FAM163B: variants seen among roughly 807,000 people sequenced by gnomAD.
FAM163B encodes family with sequence similarity 163 member B.
FAM163B carries 4 observed loss-of-function variants against 7.6 expected under a neutral mutation model. That is an observed-to-expected ratio of 0.52 (90% CI 0.26 to 1.20). FAM163B has a LOEUF of 1.20. Among genes scored for constraint, FAM163B ranks in the 50% most tolerant of loss-of-function variants. The probability of loss-of-function intolerance (pLI) is 0.14; values close to 1 mark genes in which losing one functional copy is unlikely to be tolerated. For missense variants in FAM163B, 250 were observed against 243.0 expected (o/e 1.03, Z -0.19); for synonymous variants, 120 against 111.6 (o/e 1.07, Z -0.47).
chr9:133,583,923 C>T (rs1831394126), intron 1 of FAM163B, among the ~76,000 whole-genome samples: 1 of 152,186 alleles, frequency 6.6e-6, no homozygotes, highest in Non-Finnish European at 1.5e-5. Flanking sequence ...GGCAGCTCCA[C>T]CAGCGCCCAG....
chr9:133,598,611 G>C (rs1029648791), intron 1 of FAM163B, among the ~76,000 whole-genome samples: 1 of 150,012 alleles, frequency 6.7e-6, no homozygotes, highest in African/African-American at 2.4e-5. Context: ...GAGAGGGAGG[G>C]AGGGAGGGAG....
intron 1 of FAM163B, among the ~76,000 whole-genome samples, chr9:133,595,216 G>A (rs187800129): frequency 3.4e-4 from 52 of 152,334 alleles, no homozygotes; most frequent in African/African-American, 1.2e-3. Context: ...CACGATCTCA[G>A]CTCATTGCAA....
chr9:133,585,039 T>C (rs1831412688), intron 1 of FAM163B, among the ~76,000 whole-genome samples: 1 of 152,242 alleles, frequency 6.6e-6, no homozygotes. Flanking sequence ...GGTTGTGAGA[T>C]GGGGCTCCCC....
rs1055522363 is a variant in FAM163B at position 133,600,818 on chromosome 9, G to A, written c.-24+8259C>T. Among the ~76,000 whole-genome samples, 6 of 152,096 alleles carry A rather than the reference G, an allele frequency of 3.9e-5. No individual in the cohort carries two copies. Among genetic ancestry groups the A allele is most frequent in the Admixed American group, 6.5e-5 (1 of 15,288 alleles). On this transcript the variant is annotated intron_variant, in intron 1 of 2. Transcript: ENST00000673969. This position sits in a 1 kb window ranked among gnomAD's most constrained non-coding sequence, Gnocchi z 4.9. ...ACTTTGGAAGATAACTAGTGTAATC[G>A]CAAGCTCAGTGAACAATCACAGACG...
intron 1 of FAM163B, among the ~76,000 whole-genome samples, chr9:133,584,458 A>G (rs1831403092): frequency 1.3e-5 from 2 of 152,224 alleles, no homozygotes; most frequent in Non-Finnish European, 2.9e-5. Context: ...TCCTGCCAGG[A>G]ATCCAGATGA....
intron 1 of FAM163B, among the ~76,000 whole-genome samples, chr9:133,592,578 C>T (rs1040566195): frequency 6.6e-6 from 1 of 152,162 alleles, no homozygotes; most frequent in Non-Finnish European, 1.5e-5. Context: ...TGAACATTGC[C>T]CTCTCCGGCC....
chr9:133,583,349 G>A (rs1831383659), intron 1 of FAM163B, among the ~76,000 whole-genome samples: 1 of 152,154 alleles, frequency 6.6e-6, no homozygotes, highest in Non-Finnish European at 1.5e-5. Context: ...CTGGGCTGAG[G>A]TGCTCCCTCA....
rs1831787851 is a variant in FAM163B, at chr9:133,606,220, A to C, written c.-24+2857T>G. Among the ~76,000 whole-genome samples the C allele has an allele frequency of 6.6e-6, 1 of 152,002 alleles. No individual in the cohort carries two copies. Among genetic ancestry groups the C allele is most frequent in the Admixed American group, 6.6e-5 (1 of 15,266 alleles). On this transcript the variant is annotated intron_variant, in intron 1 of 2. Transcript: ENST00000673969. This position sits in a 1 kb window ranked among gnomAD's most constrained non-coding sequence, Gnocchi z 4.0. Reference sequence around the variant, plus strand: ...AAGCTGGGCTTTCAACTCTACCTCCACCAGCCCACTTCACCCCAGGGGCAA... The same window carrying C: ...AAGCTGGGCTTTCAACTCTACCTCCCCCAGCCCACTTCACCCCAGGGGCAA...
Position 133,578,723 on chromosome 9 carries a change from G to T in FAM163B, c.*299C>A. 1 of 421,406 alleles carries T rather than the reference G, an allele frequency of 2.4e-6. No homozygotes were observed. Among genetic ancestry groups the T allele is most frequent in the Middle Eastern group, 6.3e-4 (1 of 1,584 alleles). The allele number at this position is 421,406 out of a possible 1,614,324, so 26.1% of individuals were successfully genotyped here. ...GTTGGGTCTGAGACAGAATCATCAG[G>T]AGTAACGGTGGCCTCTGTGCCTGAG... On this transcript the variant is annotated 3_prime_UTR_variant, in exon 3 of 3. Transcript: ENST00000673969.
At chr9:133,593,841 G>A (rs1483740242) in intron 1 of FAM163B, among the ~76,000 whole-genome samples, 1 of 152,228 alleles carries the variant, frequency 6.6e-6, no homozygotes. Context: ...GGCAGGGCCA[G>A]TGGCTTTGAT....
rs1390699619 is a variant in FAM163B at position 133,578,074 on chromosome 9, TCTC to T, written c.*945_*947del. On this transcript the variant is annotated 3_prime_UTR_variant, in exon 3 of 3. Transcript: ENST00000673969. Reference sequence around the variant, plus strand: ...CCTGAAGACCTCTGTCCTCAGGGTCTCTCCTCATCACACAAGATGGGGAGACTG... The same window carrying T: ...CCTGAAGACCTCTGTCCTCAGGGTCTCTCATCACACAAGATGGGGAGACTG... 6.6e-6 allele frequency among the ~76,000 whole-genome samples: 1 copy of T among 151,992 alleles called. No homozygotes were observed. The highest frequency in any genetic ancestry group is 1.5e-5 in the Non-Finnish European group (1 of 67,986).
At chr9:133,592,197 C>T (rs9409835) in intron 1 of FAM163B, among the ~76,000 whole-genome samples, 78,491 of 151,938 alleles carry the variant, frequency 0.52, 21,026 homozygotes, top group South Asian at 0.7. Context: ...GCCTGTGGGC[C>T]GAGTCACTGG....
chr9:133,583,655 C>G (rs371685850), intron 1 of FAM163B, among the ~76,000 whole-genome samples: 1 of 152,224 alleles, frequency 6.6e-6, no homozygotes. Flanking sequence ...GAGATGCAGC[C>G]GGTCCCTGGC....
rs1366187065 is a variant in FAM163B, at chr9:133,577,507, G to A, written c.*1515C>T. Among the ~76,000 whole-genome samples, 1 of 152,246 alleles carries A rather than the reference G, an allele frequency of 6.6e-6. No homozygotes were observed. Among genetic ancestry groups the A allele is most frequent in the Non-Finnish European group, 1.5e-5 (1 of 68,046 alleles). On this transcript the variant is annotated 3_prime_UTR_variant, in exon 3 of 3. Coordinates refer to ENST00000673969, the MANE Select transcript of FAM163B (RefSeq NM_001080515.3). ...GTTCCCCCGACGCCTCTGGAAACTG[G>A]CCATTTCGTTTTTGAGTAAGGGCAA...
In FAM163B at chr9:133,590,091, TTCCCCTTCCCCTTCCCTTCCCC is replaced by T. The variant is rs1564193506; in HGVS notation, c.-23-9867_-23-9846del. On this transcript the variant is annotated intron_variant, in intron 1 of 2. Coordinates refer to ENST00000673969, the MANE Select transcript of FAM163B (RefSeq NM_001080515.3). The stretch of plus-strand genomic sequence containing the variant: ...CCCTTCCCTTCCCCTTCCCCTTCCC[TTCCCCTTCCCCTTCCCTTCCCC>T]TCCCCTTCCCCTCCCCTTCCCCTCC... 1.2e-3 allele frequency among the ~76,000 whole-genome samples: 13 copies of T among 10,406 alleles called. 2 individuals carry two copies. The highest frequency in any genetic ancestry group is 1.9e-3 in the African/African-American group (5 of 2,698). The allele number at this position is 10,406 out of a possible 152,430, so 6.8% of individuals were successfully genotyped here.
At position 133,601,229 on chromosome 9, in the gene FAM163B, G is replaced by C. The variant is rs140353096; in HGVS notation, c.-24+7848C>G. Among the ~76,000 whole-genome samples, 3 of 152,318 alleles carry C rather than the reference G, an allele frequency of 2.0e-5. No homozygotes were observed. Among genetic ancestry groups the C allele is most frequent in the Middle Eastern group, 3.4e-3 (1 of 294 alleles). On this transcript the variant is annotated intron_variant, in intron 1 of 2. Transcript: ENST00000673969. The surrounding 1 kb of genome is among the most constrained non-coding windows in gnomAD (Gnocchi z 4.1). Reference sequence around the variant, plus strand: ...CCTCTGAGCTCTCTGGGCAGGGCGCGCCTTTGGAGCCGACTCAGTGATTCT... The same window carrying C: ...CCTCTGAGCTCTCTGGGCAGGGCGCCCCTTTGGAGCCGACTCAGTGATTCT...
chr9:133,586,814 C>G (rs1428531342), intron 1 of FAM163B, among the ~76,000 whole-genome samples: 1 of 152,130 alleles, frequency 6.6e-6, no homozygotes, highest in Non-Finnish European at 1.5e-5. Context: ...GGACTGCCAC[C>G]CAACCATGTC....
chr9:133,591,521 C>T (rs1035709679), intron 1 of FAM163B, among the ~76,000 whole-genome samples: 1 of 152,206 alleles, frequency 6.6e-6, no homozygotes, highest in Non-Finnish European at 1.5e-5. Context: ...CCTCCCTGGT[C>T]CAGTCCTCCC....
rs1437213834 is a variant in FAM163B, at chr9:133,579,209, T to G, written c.314A>C (p.Gln105Pro). 22 of 1,612,028 alleles carry G rather than the reference T, an allele frequency of 1.4e-5. No homozygotes were observed. Among genetic ancestry groups the G allele is most frequent in the East Asian group, 4.5e-5 (2 of 44,886 alleles). The change falls in exon 3 of 3, where the codon CAG becomes CCG. Residue 105 changes from glutamine (Q) to proline (P), a missense_variant. Physicochemically the swap from Gln to Pro is moderately conservative, Grantham distance 76 (BLOSUM62 -1). Transcript: ENST00000673969. ...GTCCTCTTCCTCCTCCGGCGGCTCC[T>G]GCAGGAAGAAGGTGGGGGGCTCGCA... ...SHCEPPTFFLQEPPEEEEDVL... is the reference protein window; with the variant it reads ...SHCEPPTFFLPEPPEEEEDVL...
Sources: allele counts gnomAD v4.1 joint callset (sites outside exome capture counted in the v4.1 genomes callset), GRCh38; gene constraint gnomAD v4.1.1; non-coding constraint Gnocchi (gnomAD v3.1); transcripts MANE v1.5; gene names NCBI Gene and HGNC (gene_info 2026-07-23, HGNC 2026-07-21).